Variants in GNAL observed in about 807,000 individuals in gnomAD.
The protein encoded by GNAL is G protein subunit alpha L.
Under a neutral mutation model 55.1 loss-of-function variants are expected in GNAL, and 18 were observed. The observed-to-expected ratio is 0.33, with a 90% CI of 0.23 to 0.48. The LOEUF is 0.48. Among genes scored for constraint, GNAL ranks in the 20% least tolerant of loss-of-function variants. GNAL has a pLI of 0.99. For synonymous variants in GNAL, 253 were observed against 237.0 expected (o/e 1.07, Z -0.62); for missense variants, 412 against 614.1 (o/e 0.67, Z 3.48).
chr18:11,880,236 G>T (rs978401278), intron 11 of GNAL, among the ~76,000 whole-genome samples: 5 of 142,620 alleles, frequency 3.5e-5, no homozygotes, highest in East Asian at 2.3e-4. Context: ...CAGCCTGGGG[G>T]ACACAGCGAG....
At chr18:11,781,948 G>A (rs1311368856) in intron 4 of GNAL, among the ~76,000 whole-genome samples, 1 of 152,128 alleles carries the variant, frequency 6.6e-6, no homozygotes, top group Non-Finnish European at 1.5e-5. Flanking sequence ...CAAGAAACTG[G>A]AAACAACCCA....
intron 4 of GNAL, chr18:11,810,582 G>C (rs1301973222): frequency 6.6e-6 from 1 of 152,288 alleles, no homozygotes; most frequent in Non-Finnish European, 1.5e-5. Flanking sequence ...GGAAAACTCA[G>C]CCCGGAGCCT....
chr18:11,798,180 C>T (rs1158076595), intron 4 of GNAL, among the ~76,000 whole-genome samples: 1 of 152,206 alleles, frequency 6.6e-6, no homozygotes, highest in Non-Finnish European at 1.5e-5. Flanking sequence ...CTAGACTTTA[C>T]AACACAGTGA....
chr18:11,733,334 C>T (rs2032384943), intron 1 of GNAL, among the ~76,000 whole-genome samples: 1 of 152,234 alleles, frequency 6.6e-6, no homozygotes, highest in African/African-American at 2.4e-5. Flanking sequence ...CTTTAAACTG[C>T]TCTGCCTGCT....
At chr18:11,738,247 C>G (rs879613831) in intron 1 of GNAL, among the ~76,000 whole-genome samples, 1 of 152,200 alleles carries the variant, frequency 6.6e-6, no homozygotes. Flanking sequence ...CAAGCAGGCC[C>G]CAAAGGCCTC....
At chr18:11,690,211 CTAAT>C (rs1381050344) in intron 1 of GNAL, among the ~76,000 whole-genome samples, 1 of 152,184 alleles carries the variant, frequency 6.6e-6, no homozygotes, top group Non-Finnish European at 1.5e-5. Context: ...CTCGCTCTCT[CTAAT>C]TAATGAGCCT....
intron 4 of GNAL, among the ~76,000 whole-genome samples, chr18:11,817,737 T>C (rs77211217): frequency 0.05 from 7,414 of 149,616 alleles, 325 homozygotes; most frequent in African/African-American, 0.098. Context: ...TGCAGGTGCG[T>C]GCCACAACAC....
chr18:11,851,842 A>C (rs777720728), intron 5 of GNAL: 4 of 1,613,964 alleles, frequency 2.5e-6, no homozygotes, highest in Non-Finnish European at 3.4e-6. Flanking sequence ...TCTGGAGAAG[A>C]TTTCTGCTTT....
chr18:11,696,691 C>T (rs2031424653), intron 1 of GNAL, among the ~76,000 whole-genome samples: 1 of 152,154 alleles, frequency 6.6e-6, no homozygotes. Flanking sequence ...AGGGATTTAT[C>T]TTGTTCTTTC....
rs1005314490 is a variant in GNAL at position 11,689,757 on chromosome 18, G to C, written c.194G>C (p.Arg65Pro). The C allele has an allele frequency of 7.9e-6, 12 of 1,512,198 alleles. No homozygotes were observed. Among genetic ancestry groups the C allele is most frequent in the Middle Eastern group, 1.7e-4 (1 of 5,894 alleles). 93.7% of individuals were successfully genotyped at this position (1,512,198 alleles called of 1,614,324 possible). A position where few individuals can be genotyped will look rare whatever the true frequency, so the allele number is the denominator to read the frequency against. ...GGCGAAGGGAGCCCGGCATGCGCTC[G>C]GCCCAAAGCAGACAAGCCGAAGGAG... ...RGGEGSPACARPKADKPKEKR... is the reference protein window; with the variant it reads ...RGGEGSPACAPPKADKPKEKR... Residue 65 changes from arginine (R) to proline (P), a missense_variant, in exon 1 of 12, where the codon CGG becomes CCG. Around this residue, in one of 5 missense-constraint regions of GNAL, gnomAD observed 228 missense variants for 194.8 expected, o/e 1.17. Transcript: ENST00000334049.
chr18:11,881,182 A>G lies in GNAL; in HGVS notation c.*47A>G, dbSNP rs763858886. On this transcript the variant is annotated 3_prime_UTR_variant, in exon 12 of 12. Transcript: ENST00000334049. This position sits in a 1 kb window ranked among gnomAD's most constrained non-coding sequence, Gnocchi z 4.8. ...ACGGAGCGGCGCCCCGGACTGCCTG[A>G]CTGCCAGCCCCATGCCATGGTAGGA... The G allele has an allele frequency of 6.5e-7, 1 of 1,542,524 alleles. No individual in the cohort carries two copies. Among genetic ancestry groups the G allele is most frequent in the Admixed American group, 1.9e-5 (1 of 53,472 alleles).
chr18:11,788,604 G>T (rs1176302550), intron 4 of GNAL, among the ~76,000 whole-genome samples: 1 of 152,002 alleles, frequency 6.6e-6, no homozygotes, highest in East Asian at 1.9e-4. Context: ...GGGCATGGTG[G>T]CTCATGCCTG....
chr18:11,729,901 CA>C (rs1488110757), intron 1 of GNAL, among the ~76,000 whole-genome samples: 1 of 152,190 alleles, frequency 6.6e-6, no homozygotes, highest in Non-Finnish European at 1.5e-5. Flanking sequence ...TAAAGCAACA[CA>C]TGGAAATTCT....
chr18:11,795,790 G>T (rs146974868), intron 4 of GNAL, among the ~76,000 whole-genome samples: 1 of 152,336 alleles, frequency 6.6e-6, no homozygotes, highest in Non-Finnish European at 1.5e-5. Flanking sequence ...TGGCTGAGAA[G>T]AGCTCCCTGT....
At chr18:11,831,704 A>G (rs1259207733) in intron 5 of GNAL, among the ~76,000 whole-genome samples, 1 of 152,190 alleles carries the variant, frequency 6.6e-6, no homozygotes, top group African/African-American at 2.4e-5. Context: ...CTGCAGCCCA[A>G]TTCCAGAGGG....
chr18:11,785,283 C>T (rs1464588241), intron 4 of GNAL, among the ~76,000 whole-genome samples: 1 of 152,186 alleles, frequency 6.6e-6, no homozygotes, highest in Non-Finnish European at 1.5e-5. Flanking sequence ...ATTCTGCACT[C>T]TTTCCCATGA....
chr18:11,706,189 T>C (rs2031706944), intron 1 of GNAL, among the ~76,000 whole-genome samples: 2 of 152,098 alleles, frequency 1.3e-5, no homozygotes, highest in Admixed American at 1.3e-4. Flanking sequence ...ATCTCAGAGA[T>C]ATTGCAGGTT....
chr18:11,873,119 A>G (rs2036435760), intron 10 of GNAL, among the ~76,000 whole-genome samples: 1 of 152,238 alleles, frequency 6.6e-6, no homozygotes, highest in South Asian at 2.1e-4. Context: ...GGTCTACCAG[A>G]GGCTCATAGG....
rs1162398867 is a variant in GNAL, at chr18:11,788,897, G to GAAAAAAAA, written c.624+34963_624+34970dup. On this transcript the variant is annotated intron_variant, in intron 4 of 11. Coordinates refer to ENST00000334049, the MANE Select transcript of GNAL (RefSeq NM_182978.4). Reference sequence around the variant, plus strand: ...AGGAGACAGAGCAAGACTCCGTCTCGAAAAAAAAAAAAAAAAAATATATAT... The same window carrying GAAAAAAAA: ...AGGAGACAGAGCAAGACTCCGTCTCGAAAAAAAAAAAAAAAAAAAAAAAAAATATATAT... 2.5e-3 allele frequency among the ~76,000 whole-genome samples: 208 copies of GAAAAAAAA among 82,482 alleles called. 8 individuals carry two copies. The highest frequency in any genetic ancestry group is 0.012 in the African/African-American group (164 of 13,318). 54.1% of individuals were successfully genotyped at this position (82,482 alleles called of 152,430 possible). A position where few individuals can be genotyped will look rare whatever the true frequency, so the allele number is the denominator to read the frequency against.
Sources: gnomAD v4.1 joint callset for allele counts (sites outside exome capture counted in the v4.1 genomes callset) on GRCh38, gnomAD v4.1.1 for gene constraint, gnomAD v4.1.1 regional missense constraint, Gnocchi (gnomAD v3.1) non-coding constraint, MANE v1.5 for transcripts, NCBI Gene and HGNC (gene_info 2026-07-23, HGNC 2026-07-21) for gene names.